DNASE1L3: variants seen among roughly 807,000 people sequenced by gnomAD.
The protein encoded by DNASE1L3 is deoxyribonuclease 1L3.
In DNASE1L3, 27 loss-of-function variants were observed where a neutral mutation model predicts 30.9. That is an observed-to-expected ratio of 0.87 (90% CI 0.64 to 1.20). The LOEUF (loss-of-function observed/expected upper bound fraction) is 1.20. Ranked by LOEUF, DNASE1L3 falls within the 50% of genes most tolerant of loss-of-function variation. DNASE1L3 has a pLI of 0.00. For synonymous variants in DNASE1L3, 135 were observed against 138.0 expected (o/e 0.98, Z 0.15); for missense variants, 364 against 378.2 (o/e 0.96, Z 0.31).
At chr3:58,208,395 G>A (rs779698353) in intron 1 of DNASE1L3, 89 bp from the exon 2 acceptor site, 45 of 1,303,316 alleles carry the variant, frequency 3.5e-5, no homozygotes, top group Non-Finnish European at 4.6e-5. Flanking sequence ...TTTAAGTATT[G>A]CACTGAGTGC....
chr3:58,198,922 C>G (rs944224173), intron 5 of DNASE1L3, among the ~76,000 whole-genome samples: 2 of 152,056 alleles, frequency 1.3e-5, no homozygotes, highest in African/African-American at 4.8e-5. Flanking sequence ...GCTGTCCACC[C>G]CCACCCAAGG....
At chr3:58,198,046 A>G (rs2097398476) in intron 5 of DNASE1L3, 68 bp from the exon 6 acceptor site, 1 of 1,518,262 alleles carries the variant, frequency 6.6e-7, no homozygotes. Context: ...ACTGGACTCT[A>G]GCAAAGACTC....
intron 2 of DNASE1L3, chr3:58,207,729 A>AT (rs1304163920): frequency 6.5e-6 from 1 of 154,916 alleles, no homozygotes; most frequent in Non-Finnish European, 1.4e-5. Context: ...TGGTGTGATC[A>AT]TGGCTCACTA....
chr3:58,194,686 C>T (rs867338356), intron 6 of DNASE1L3, among the ~76,000 whole-genome samples: 9 of 143,150 alleles, frequency 6.3e-5, no homozygotes, highest in South Asian at 2.3e-4. Flanking sequence ...AGTGCAGTGG[C>T]GCAATCTCGG....
chr3:58,196,271 A>C (rs895839645), intron 6 of DNASE1L3, among the ~76,000 whole-genome samples: 3 of 151,904 alleles, frequency 2.0e-5, no homozygotes, highest in African/African-American at 7.3e-5. Context: ...CAGGCCGGGC[A>C]TGGTGGCTCA....
intron 4 of DNASE1L3, 138 bp from the exon 5 acceptor site, chr3:58,201,247 C>G (rs1201627119): frequency 1.9e-6 from 1 of 516,924 alleles, no homozygotes; most frequent in Admixed American, 3.7e-5. Context: ...AGGGTCCAGC[C>G]AGTGGCCGAG....
intron 2 of DNASE1L3, 102 bp downstream of exon 2, chr3:58,208,116 T>A: frequency 8.9e-7 from 1 of 1,122,342 alleles, no homozygotes; most frequent in Non-Finnish European, 1.3e-6. Flanking sequence ...TGTGAACTGG[T>A]GGTCAAGTGC....
At chr3:58,206,580 C>G (rs1467208924) in intron 2 of DNASE1L3, among the ~76,000 whole-genome samples, 2 of 152,146 alleles carry the variant, frequency 1.3e-5, no homozygotes, top group Non-Finnish European at 2.9e-5. Flanking sequence ...GATAAAGAGA[C>G]AAACAGGCTT....
At position 58,210,892 on chromosome 3, in the gene DNASE1L3, C is replaced by T. The variant is rs995657156; in HGVS notation, c.15G>A (p.Leu5=). The change falls in exon 1 of 8, where the codon CTG becomes CTA. Residue 5 remains leucine, a synonymous_variant. Transcript: ENST00000394549. ...AGAGGAGGAGAAGCAGCAGTGGGGC[C>T]AGCTCCCGTGACATCCTGGCGCTGC... The part of the protein sequence containing the change: MSRE[L]APLLLLLLSI... 2.5e-6 allele frequency: 4 copies of T among 1,613,796 alleles called. No homozygotes were observed. The African/African-American group carries it at 4.0e-5, about 16-fold the overall frequency.
chr3:58,193,504 G>T (rs1035809592), intron 6 of DNASE1L3, 65 bp from the exon 7 acceptor site: 34 of 1,397,436 alleles, frequency 2.4e-5, no homozygotes, highest in African/African-American at 4.2e-5. Flanking sequence ...TCAAACCAAG[G>T]TCTGTGTTTG....
At chr3:58,205,771 T>C (rs539224361) in intron 2 of DNASE1L3, among the ~76,000 whole-genome samples, 1 of 152,372 alleles carries the variant, frequency 6.6e-6, no homozygotes, top group African/African-American at 2.4e-5. Flanking sequence ...ATTTCTTGCC[T>C]TATGAGGAGA....
chr3:58,204,198 TG>T (rs1311203851), intron 4 of DNASE1L3, among the ~76,000 whole-genome samples: 1 of 150,214 alleles, frequency 6.7e-6, no homozygotes, highest in Non-Finnish European at 1.5e-5. Context: ...TGGAGTGCAG[TG>T]GTACGATCTC....
intron 1 of DNASE1L3, among the ~76,000 whole-genome samples, chr3:58,209,713 G>A (rs922362040): frequency 1.5e-4 from 23 of 152,212 alleles, no homozygotes; most frequent in African/African-American, 5.5e-4. Flanking sequence ...ACCAGCCAGT[G>A]CTACAGGTGG....
chr3:58,198,348 GGA>G (rs1425073577), intron 5 of DNASE1L3, among the ~76,000 whole-genome samples: 1 of 152,168 alleles, frequency 6.6e-6, no homozygotes, highest in African/African-American at 2.4e-5. Context: ...TACAAACCAA[GGA>G]GAGAGGCCCC....
At chr3:58,199,619 G>C (rs2097399388) in intron 5 of DNASE1L3, among the ~76,000 whole-genome samples, 1 of 151,394 alleles carries the variant, frequency 6.6e-6, no homozygotes, top group African/African-American at 2.4e-5. Flanking sequence ...AGCCGAGATT[G>C]CACCATTGCA....
At chr3:58,210,235 GAAGAAAGAAA>G (rs1365204386) in intron 1 of DNASE1L3, among the ~76,000 whole-genome samples, 2 of 59,962 alleles carry the variant, frequency 3.3e-5, no homozygotes, top group Non-Finnish European at 6.3e-5. Flanking sequence ...AAAGAAAAAG[GAAGAAAGAAA>G]AAGAAAGAAA....
rs34773952 is a variant in DNASE1L3 at position 58,195,613 on chromosome 3, C to CAAAAAAAAAAAAAAAA, written c.705-2190_705-2175dup. On this transcript the variant is annotated intron_variant, in intron 6 of 7. Coordinates refer to ENST00000394549, the MANE Select transcript of DNASE1L3 (RefSeq NM_004944.4). ...CGAAACCCCATCTCTACTAAAATTA[C>CAAAAAAAAAAAAAAAA]AAAAAAAAAAAAAAAAAAAAAAAAA... Among the ~76,000 whole-genome samples, 6 of 38,446 alleles carry CAAAAAAAAAAAAAAAA rather than the reference C, an allele frequency of 1.6e-4. 1 individual carries two copies. Among genetic ancestry groups the CAAAAAAAAAAAAAAAA allele is most frequent in the Non-Finnish European group, 2.6e-4 (5 of 19,510 alleles). 25.2% of individuals were successfully genotyped at this position (38,446 alleles called of 152,430 possible).
intron 4 of DNASE1L3, among the ~76,000 whole-genome samples, chr3:58,203,721 G>A (rs766301878): frequency 1.3e-5 from 2 of 152,104 alleles, no homozygotes; most frequent in Non-Finnish European, 2.9e-5. Flanking sequence ...GATTGCTTGA[G>A]CCCAGGAGGT....
chr3:58,194,782 C>T lies in DNASE1L3; in HGVS notation c.705-1343G>A, dbSNP rs112527129. ...CTGGGACTACAGGTGCCCGGCACCA[C>T]GCCTGGCTAATTTTTTTTGTATTTT... is the stretch of plus-strand genomic sequence containing the variant. On this transcript the variant is annotated intron_variant, in intron 6 of 7. Coordinates refer to ENST00000394549, the MANE Select transcript of DNASE1L3 (RefSeq NM_004944.4). 2.3e-3 allele frequency among the ~76,000 whole-genome samples: 354 copies of T among 151,964 alleles called. 1 individual carries two copies. The highest frequency in any genetic ancestry group is 8.4e-3 in the African/African-American group (347 of 41,416).
Sources: gnomAD v4.1 joint callset for allele counts (sites outside exome capture counted in the v4.1 genomes callset) on GRCh38, gnomAD v4.1.1 for gene constraint, MANE v1.5 for transcripts, NCBI Gene and HGNC (gene_info 2026-07-23, HGNC 2026-07-21) for gene names.